Variants in TENT4A observed in about 807,000 individuals in gnomAD.
The protein encoded by TENT4A is terminal nucleotidyltransferase 4A.
A neutral mutation model predicts 72.8 loss-of-function variants in TENT4A; 7 were observed. That is an observed-to-expected ratio of 0.10 (90% confidence interval 0.05 to 0.18). The LOEUF (loss-of-function observed/expected upper bound fraction) is 0.18. Ranked by LOEUF, TENT4A falls within the 10% of genes least tolerant of loss-of-function variation. The probability of loss-of-function intolerance (pLI) is 1.00; values close to 1 mark genes in which losing one functional copy is unlikely to be tolerated. For missense variants in TENT4A, 831 were observed against 1,017.7 expected, an observed-to-expected ratio of 0.82 and a Z score of 2.50; for synonymous variants, 456 against 434.3, an observed-to-expected ratio of 1.05 and a Z score of -0.62.
intron 1 of TENT4A, among the ~76,000 whole-genome samples, chr5:6,722,904 G>A (rs1228225273): frequency 6.6e-6 from 1 of 152,210 alleles, no homozygotes; most frequent in Non-Finnish European, 1.5e-5. Flanking sequence ...CACTAATACA[G>A]TAGCCACTGG....
chr5:6,745,614 T>C (rs1051620987), intron 6 of TENT4A, among the ~76,000 whole-genome samples: 1 of 152,146 alleles, frequency 6.6e-6, no homozygotes, highest in Non-Finnish European at 1.5e-5. Context: ...TGGTGGACAG[T>C]GGTTTACTTC....
At position 6,713,876 on chromosome 5, in the gene TENT4A, C is replaced by T. The variant is rs1692945797; in HGVS notation, c.-108C>T. The T allele has an allele frequency of 4.3e-6, 1 of 231,932 alleles. No individual in the cohort carries two copies. Among genetic ancestry groups the T allele is most frequent in the Non-Finnish European group, 6.9e-6 (1 of 143,946 alleles). 14.4% of individuals were successfully genotyped at this position (231,932 alleles called of 1,614,324 possible). ...GCCGCCGCCGCCGCCGCCACCGGCC[C>T]AGGCCCGTCCGTCCGTCCGTGCGCG... On this transcript the variant is annotated 5_prime_UTR_variant, in exon 1 of 13. Coordinates refer to ENST00000230859, the MANE Select transcript of TENT4A (RefSeq NM_006999.6).
chr5:6,737,759 C>A, intron 2 of TENT4A, 126 bp downstream of exon 2: 6 of 1,085,814 alleles, frequency 5.5e-6, no homozygotes, highest in East Asian at 2.7e-5. Context: ...AGCAGTTCTC[C>A]AAGTGTGCTT....
At chr5:6,722,853 C>G (rs928649201) in intron 1 of TENT4A, among the ~76,000 whole-genome samples, 2 of 152,176 alleles carry the variant, frequency 1.3e-5, no homozygotes, top group Admixed American at 6.5e-5. Context: ...ACAGCACTGT[C>G]CAGTAGAACT....
chr5:6,752,964 T>TCCACCACATGTCTTC lies in TENT4A; in HGVS notation c.2114_2128dup (p.His705_Ser709dup). The TCCACCACATGTCTTC allele has an allele frequency of 6.2e-7, 1 of 1,614,122 alleles. No individual in the cohort carries two copies. The highest frequency in any genetic ancestry group is 8.5e-7 in the Non-Finnish European group (1 of 1,180,008). ...GAAGGAACTGCGTCTTTGAAAGCCG[T>TCCACCACATGTCTTC]CCACCACATGTCTTCCCCGGCCATT... On this transcript the variant is annotated inframe_insertion, in exon 12 of 13. Transcript: ENST00000230859.
chr5:6,722,555 T>TG (rs1554006598), intron 1 of TENT4A, among the ~76,000 whole-genome samples: 4 of 150,368 alleles, frequency 2.7e-5, no homozygotes, highest in African/African-American at 7.3e-5. Context: ...TAGTTTTTTT[T>TG]TTTTTTTTTT....
intron 1 of TENT4A, among the ~76,000 whole-genome samples, chr5:6,730,039 C>CTAA (rs1315643335): frequency 6.6e-6 from 1 of 152,156 alleles, no homozygotes; most frequent in Non-Finnish European, 1.5e-5. Flanking sequence ...CTTCTGGTAC[C>CTAA]TAAGCCCTTT....
At chr5:6,723,763 T>A (rs951653429) in intron 1 of TENT4A, among the ~76,000 whole-genome samples, 2 of 152,188 alleles carry the variant, frequency 1.3e-5, no homozygotes, top group African/African-American at 4.8e-5. Flanking sequence ...AGGACAAAGT[T>A]GATAGCTGTG....
chr5:6,727,108 C>T (rs1000009135), intron 1 of TENT4A, among the ~76,000 whole-genome samples: 3 of 152,206 alleles, frequency 2.0e-5, no homozygotes, highest in Non-Finnish European at 2.9e-5. Flanking sequence ...TGTCCTTACT[C>T]GGTGTTTCTG....
intron 1 of TENT4A, among the ~76,000 whole-genome samples, chr5:6,727,344 C>T (rs1740984772): frequency 6.6e-6 from 1 of 152,232 alleles, no homozygotes; most frequent in Non-Finnish European, 1.5e-5. Context: ...GGCCTGGCGT[C>T]TCAGCAGGAG....
intron 11 of TENT4A, 43 bp downstream of exon 11, chr5:6,751,240 A>T: frequency 6.2e-7 from 1 of 1,605,490 alleles, no homozygotes; most frequent in Non-Finnish European, 8.5e-7. Flanking sequence ...GGCCCCTGGG[A>T]ACAGCATCCG....
At chr5:6,720,204 G>C (rs542282468) in intron 1 of TENT4A, among the ~76,000 whole-genome samples, 7 of 152,200 alleles carry the variant, frequency 4.6e-5, no homozygotes, top group Non-Finnish European at 8.8e-5. Flanking sequence ...GGCTCCTGCA[G>C]ATAACCTGCC....
intron 1 of TENT4A, among the ~76,000 whole-genome samples, chr5:6,736,335 C>T (rs1440025441): frequency 6.6e-6 from 1 of 152,146 alleles, no homozygotes; most frequent in Non-Finnish European, 1.5e-5. Context: ...TGCAGGGCCA[C>T]TCACCTTTGT....
chr5:6,735,053 A>G (rs1741406065), intron 1 of TENT4A, among the ~76,000 whole-genome samples: 1 of 152,208 alleles, frequency 6.6e-6, no homozygotes, highest in Non-Finnish European at 1.5e-5. Flanking sequence ...CTTCAGGTAG[A>G]ACTTAAAGTT....
At chr5:6,746,017 G>A in intron 6 of TENT4A, 197 bp from the exon 7 acceptor site, 3 of 1,416,304 alleles carry the variant, frequency 2.1e-6, no homozygotes, top group Non-Finnish European at 2.7e-6. Flanking sequence ...AAATTCAGAT[G>A]AGTCCGTTGT....
chr5:6,720,916 G>A (rs760235337), intron 1 of TENT4A, among the ~76,000 whole-genome samples: 1 of 152,136 alleles, frequency 6.6e-6, no homozygotes, highest in Non-Finnish European at 1.5e-5. Flanking sequence ...TGCAGAAGAT[G>A]TGGGGAACAC....
At chr5:6,743,981 C>A in intron 6 of TENT4A, 141 bp downstream of exon 6, 3 of 750,286 alleles carry the variant, frequency 4.0e-6, no homozygotes, top group East Asian at 5.1e-5. Context: ...ATTTCTGATT[C>A]TTACAATCAA....
intron 7 of TENT4A, among the ~76,000 whole-genome samples, chr5:6,747,246 C>T (rs1401095278): frequency 2.6e-5 from 4 of 152,190 alleles, no homozygotes; most frequent in East Asian, 1.9e-4. Context: ...GCTCCAGGCG[C>T]GTGTCCCTGG....
At chr5:6,746,048 G>T in intron 6 of TENT4A, 166 bp from the exon 7 acceptor site, 1 of 1,476,958 alleles carries the variant, frequency 6.8e-7, no homozygotes, top group South Asian at 1.3e-5. Context: ...AACACTCCTC[G>T]TTGAAGAGGC....
Sources: allele counts gnomAD v4.1 joint callset (sites outside exome capture counted in the v4.1 genomes callset), GRCh38; gene constraint gnomAD v4.1.1; transcripts MANE v1.5; gene names NCBI Gene and HGNC (gene_info 2026-07-23, HGNC 2026-07-21).